VPS4B: variants seen among roughly 807,000 people sequenced by gnomAD.
VPS4B encodes the protein vacuolar protein sorting 4 homolog B.
VPS4B carries 23 observed loss-of-function variants against 56.1 expected under a neutral mutation model. The ratio of observed to expected loss-of-function variants is 0.41; its 90% confidence interval spans 0.30 to 0.58. The LOEUF (loss-of-function observed/expected upper bound fraction) is 0.58. VPS4B is among the 20% of genes least tolerant of loss of function. VPS4B has a pLI of 0.29. For missense variants in VPS4B, 372 were observed against 531.9 expected (o/e 0.70, Z 2.96); for synonymous variants, 177 against 186.0 (o/e 0.95, Z 0.39).
intron 10 of VPS4B, among the ~76,000 whole-genome samples, chr18:63,392,723 C>T (rs1269421333): frequency 6.7e-6 from 1 of 149,232 alleles, no homozygotes; most frequent in Admixed American, 6.8e-5. Context: ...GTTGGGATTA[C>T]AGGCATGAGC....
chr18:63,417,024 A>AG (rs1233785199), intron 1 of VPS4B, among the ~76,000 whole-genome samples: 3 of 152,112 alleles, frequency 2.0e-5, no homozygotes, highest in African/African-American at 7.2e-5. Flanking sequence ...TGAGGACAGG[A>AG]CTTCACCTTG....
rs562299658 is a variant in VPS4B, at chr18:63,417,245, G to A, written c.27+4988C>T. 1.7e-4 allele frequency among the ~76,000 whole-genome samples: 26 copies of A among 152,054 alleles called. 1 individual carries two copies. In the South Asian group the frequency reaches 3.9e-3, roughly 23 times the overall value. ...AGTCTTATTTGACAAAACACTGTTC[G>A]GTGTTAGTTCTGTTTCTCTGCTACC... On this transcript the variant is annotated intron_variant, in intron 1 of 10. Coordinates refer to ENST00000238497, the MANE Select transcript of VPS4B (RefSeq NM_004869.4).
chr18:63,415,994 TA>T, intron 1 of VPS4B: 1 of 216,654 alleles, frequency 4.6e-6, no homozygotes, highest in Non-Finnish European at 9.8e-6. Flanking sequence ...GTGATGTCCT[TA>T]ATCTGCTTGT....
At position 63,422,151 on chromosome 18, in the gene VPS4B, C is replaced by T. The variant is rs1916317901; in HGVS notation, c.27+82G>A. On this transcript the variant is annotated intron_variant, in intron 1 of 10. Coordinates refer to ENST00000238497, the MANE Select transcript of VPS4B (RefSeq NM_004869.4). ...TCGACCACAGGCGCGGCCGCTTCCT[C>T]CCTTCTCCCCGCCCCCCACCCGCTT... 16 of 1,372,220 alleles carry T rather than the reference C, an allele frequency of 1.2e-5. No homozygotes were observed. In the South Asian group the frequency reaches 2.6e-4, roughly 22 times the overall value. The allele number at this position is 1,372,220 out of a possible 1,614,324, so 85.0% of individuals were successfully genotyped here. A position where few individuals can be genotyped will look rare whatever the true frequency, so the allele number is the denominator to read the frequency against.
At position 63,389,496 on chromosome 18, in the gene VPS4B, T is replaced by C. The variant is rs1277039117; in HGVS notation, c.*1479A>G. 1.3e-5 allele frequency: 2 copies of C among 152,684 alleles called. No individual in the cohort carries two copies. Among genetic ancestry groups the C allele is most frequent in the Non-Finnish European group, 2.9e-5 (2 of 68,042 alleles). 9.5% of individuals were successfully genotyped at this position (152,684 alleles called of 1,614,324 possible). A position where few individuals can be genotyped will look rare whatever the true frequency, so the allele number is the denominator to read the frequency against. On this transcript the variant is annotated 3_prime_UTR_variant, in exon 11 of 11. Coordinates refer to ENST00000238497, the MANE Select transcript of VPS4B (RefSeq NM_004869.4). ...CACTGTAATTAGGGAATCTAGTTCA[T>C]CCTAACTTAATAGTCTTTTGCATGT... is the stretch of plus-strand genomic sequence containing the variant.
intron 1 of VPS4B, chr18:63,415,701 C>G (rs1047245416): frequency 2.9e-5 from 7 of 241,472 alleles, no homozygotes; most frequent in African/African-American, 1.6e-4. Context: ...CCCTCCAGAA[C>G]CCCCCTCCAG....
At chr18:63,413,911 T>C (rs1254661454) in intron 1 of VPS4B, among the ~76,000 whole-genome samples, 1 of 152,172 alleles carries the variant, frequency 6.6e-6, no homozygotes, top group African/African-American at 2.4e-5. Flanking sequence ...ATTGATAAAA[T>C]GTAATAGTTA....
At chr18:63,421,173 A>T (rs1437509642) in intron 1 of VPS4B, among the ~76,000 whole-genome samples, 1 of 152,226 alleles carries the variant, frequency 6.6e-6, no homozygotes. Context: ...TTATTTTAAT[A>T]ATCTTCTAGG....
chr18:63,399,341 A>G lies in VPS4B; in HGVS notation c.791-18T>C, dbSNP rs1915759377. On this transcript the variant is annotated intron_variant, in intron 7 of 10. Transcript: ENST00000238497. ...ACCAACCCCTGCATTAAAATAGGTA[A>G]TGCTTTAATTAATTTGTCATTTTGG... 1 of 1,603,840 alleles carries G rather than the reference A, an allele frequency of 6.2e-7. No homozygotes were observed.
chr18:63,409,569 AAT>A (rs929252647), intron 3 of VPS4B, among the ~76,000 whole-genome samples: 1 of 152,222 alleles, frequency 6.6e-6, no homozygotes, highest in Non-Finnish European at 1.5e-5. Context: ...ATGTGGTTAG[AAT>A]ATGTTCCCAG....
intron 1 of VPS4B, among the ~76,000 whole-genome samples, chr18:63,420,902 G>C (rs1916282067): frequency 6.6e-6 from 1 of 151,862 alleles, no homozygotes; most frequent in Non-Finnish European, 1.5e-5. Flanking sequence ...GCTGGGCGTG[G>C]TGGTGGGTGC....
At chr18:63,415,923 T>C (rs1241688335) in intron 1 of VPS4B, 2 of 204,920 alleles carry the variant, frequency 9.8e-6, no homozygotes, top group Non-Finnish European at 2.1e-5. Flanking sequence ...CCACCCTGGG[T>C]TGTGTGATAC....
rs536482506 is a variant in VPS4B at position 63,408,357 on chromosome 18, G to A, written c.297-858C>T. Among the ~76,000 whole-genome samples the A allele has an allele frequency of 5.9e-5, 9 of 152,246 alleles. No individual in the cohort carries two copies. The East Asian group carries it at 7.7e-4, about 13-fold the overall frequency. On this transcript the variant is annotated intron_variant, in intron 3 of 10. Coordinates refer to ENST00000238497, the MANE Select transcript of VPS4B (RefSeq NM_004869.4). Reference sequence around the variant, plus strand: ...GGAATTGCCTTGGTTATCATAGGACGGTGGGGCTGTGGGTGAGGTAGACAC... The same window carrying A: ...GGAATTGCCTTGGTTATCATAGGACAGTGGGGCTGTGGGTGAGGTAGACAC...
At chr18:63,395,626 T>C (rs1350419317) in intron 9 of VPS4B, among the ~76,000 whole-genome samples, 2 of 152,242 alleles carry the variant, frequency 1.3e-5, no homozygotes, top group Non-Finnish European at 1.5e-5. Context: ...ATATTAGTCT[T>C]GACATACATT....
At chr18:63,415,531 T>C in intron 1 of VPS4B, 1 of 293,316 alleles carries the variant, frequency 3.4e-6, no homozygotes, top group South Asian at 4.0e-5. Context: ...CAGGTTCCTT[T>C]TCAGAGAATG....
chr18:63,400,651 T>C lies in VPS4B; in HGVS notation c.537A>G (p.Gly179=). The change falls in exon 6 of 11, where the codon GGA becomes GGG. Residue 179 remains glycine, a synonymous_variant. Coordinates refer to ENST00000238497, the MANE Select transcript of VPS4B (RefSeq NM_004869.4). The part of the protein sequence containing the change: ...GILLFGPPGT[G]KSYLAKAVAT... ...CTACAGCTTTGGCTAAGTAGGACTT[T>C]CCTGTTCCAGGCGGCCCAAATAATA... The C allele has an allele frequency of 6.2e-7, 1 of 1,608,170 alleles. No individual in the cohort carries two copies. The highest frequency in any genetic ancestry group is 8.5e-7 in the Non-Finnish European group (1 of 1,178,756).
At chr18:63,413,067 T>C (rs913119423) in intron 1 of VPS4B, among the ~76,000 whole-genome samples, 5 of 152,126 alleles carry the variant, frequency 3.3e-5, no homozygotes, top group Non-Finnish European at 5.9e-5. Context: ...ACTCTCAAAA[T>C]GTAACACATA....
At chr18:63,408,728 C>A in intron 3 of VPS4B, among the ~76,000 whole-genome samples, 1 of 152,196 alleles carries the variant, frequency 6.6e-6, no homozygotes, top group East Asian at 1.9e-4. Flanking sequence ...TTCCCTGGCC[C>A]CACTATTCTG....
At chr18:63,414,294 C>T (rs925462819) in intron 1 of VPS4B, among the ~76,000 whole-genome samples, 2 of 148,468 alleles carry the variant, frequency 1.3e-5, no homozygotes, top group African/African-American at 2.5e-5. Flanking sequence ...CGCTTGAATC[C>T]GGGAGACAGA....
Sources: gnomAD v4.1 joint callset for allele counts (sites outside exome capture counted in the v4.1 genomes callset) on GRCh38, gnomAD v4.1.1 for gene constraint, MANE v1.5 for transcripts, NCBI Gene and HGNC (gene_info 2026-07-23, HGNC 2026-07-21) for gene names.